KCNN1: variants seen among roughly 807,000 people sequenced by gnomAD.
KCNN1 encodes potassium calcium-activated channel subfamily N member 1.
In KCNN1, 20 loss-of-function variants were observed where a neutral mutation model predicts 44.7. The observed-to-expected ratio is 0.45, with a 90% CI of 0.32 to 0.65. The LOEUF (loss-of-function observed/expected upper bound fraction) is 0.65. Among genes scored for constraint, KCNN1 ranks in the 30% least tolerant of loss-of-function variants. The probability of loss-of-function intolerance (pLI) is 0.05; values close to 1 mark genes in which losing one functional copy is unlikely to be tolerated. For synonymous variants in KCNN1, 324 were observed against 341.7 expected, an observed-to-expected ratio of 0.95 and a Z score of 0.57; for missense variants, 632 against 785.3, an observed-to-expected ratio of 0.80 and a Z score of 2.33.
chr19:17,952,390 C>A (rs1312492048), intron 1 of KCNN1: 1 of 152,234 alleles, frequency 6.6e-6, no homozygotes, highest in African/African-American at 2.4e-5. Flanking sequence ...GGCGGCGGTC[C>A]CCTTCTCTTT....
intron 9 of KCNN1, among the ~76,000 whole-genome samples, chr19:17,996,112 T>G (rs1443877414): frequency 6.7e-6 from 1 of 149,448 alleles, no homozygotes; most frequent in South Asian, 2.1e-4. Context: ...GGGGGATCAC[T>G]TGAGCTCAGG....
chr19:17,959,022 AT>A (rs2031614767), intron 2 of KCNN1, among the ~76,000 whole-genome samples: 2 of 146,926 alleles, frequency 1.4e-5, no homozygotes, highest in South Asian at 2.1e-4. Context: ...TTATTTATTT[AT>A]TTATTTATTT....
At chr19:17,984,958 C>A (rs2032543983) in intron 4 of KCNN1, among the ~76,000 whole-genome samples, 1 of 152,118 alleles carries the variant, frequency 6.6e-6, no homozygotes, top group African/African-American at 2.4e-5. Context: ...GAAAGTTCTT[C>A]CTGGTGTCTG....
intron 1 of KCNN1, among the ~76,000 whole-genome samples, chr19:17,973,511 A>C (rs2032094537): frequency 6.6e-6 from 1 of 151,952 alleles, no homozygotes; most frequent in Non-Finnish European, 1.5e-5. Flanking sequence ...GAACTCCTGA[A>C]CTCAAGCGGT....
In KCNN1 at chr19:17,998,074, T is replaced by C. The variant is rs2033059255; in HGVS notation, c.1378-78T>C. The C allele has an allele frequency of 2.1e-6, 3 of 1,437,518 alleles. No homozygotes were observed. Among genetic ancestry groups the C allele is most frequent in the Non-Finnish European group, 2.8e-6 (3 of 1,085,280 alleles). The allele number at this position is 1,437,518 out of a possible 1,614,324, so 89.0% of individuals were successfully genotyped here. On this transcript the variant is annotated intron_variant, in intron 9 of 9. Coordinates refer to ENST00000684775, the MANE Select transcript of KCNN1 (RefSeq NM_001386974.1). The surrounding 1 kb of genome is among the most constrained non-coding windows in gnomAD (Gnocchi z 5.4). ...CTGGAGCGTGTGGGCTGTCCCTCTCTGTCATTGGTGTCGTGGTATCGTCCT... is the reference window on the plus strand; with the variant it reads ...CTGGAGCGTGTGGGCTGTCCCTCTCCGTCATTGGTGTCGTGGTATCGTCCT...
chr19:17,962,487 G>A (rs111971530), upstream of KCNN1, among the ~76,000 whole-genome samples: 13 of 152,250 alleles, frequency 8.5e-5, 1 homozygote, highest in African/African-American at 3.1e-4. Context: ...GGGGGACTTT[G>A]TGTGTCTTTA....
chr19:17,974,335 G>A lies in KCNN1; in HGVS notation c.402+45G>A. On this transcript the variant is annotated intron_variant, in intron 2 of 9. Transcript: ENST00000684775. The surrounding 1 kb of genome is among the most constrained non-coding windows in gnomAD (Gnocchi z 7.3). ...AGGCACTCCAGGGAGGTTCCACCAAGCCCGCCTAGCTTTCTTGACATGGGG... is the reference window on the plus strand; with the variant it reads ...AGGCACTCCAGGGAGGTTCCACCAAACCCGCCTAGCTTTCTTGACATGGGG... The A allele has an allele frequency of 6.6e-7, 1 of 1,504,090 alleles. No homozygotes were observed. The highest frequency in any genetic ancestry group is 8.9e-7 in the Non-Finnish European group (1 of 1,129,838). 93.2% of individuals were successfully genotyped at this position (1,504,090 alleles called of 1,614,324 possible).
At chr19:17,977,475 G>A (rs548813918) in intron 3 of KCNN1, among the ~76,000 whole-genome samples, 2 of 151,866 alleles carry the variant, frequency 1.3e-5, no homozygotes, top group African/African-American at 4.8e-5. Context: ...CAGGTAGCTG[G>A]GATTACAAGC....
intron 1 of KCNN1, among the ~76,000 whole-genome samples, chr19:17,969,878 C>T (rs1297690848): frequency 1.3e-5 from 2 of 152,230 alleles, no homozygotes; most frequent in African/African-American, 2.4e-5. Flanking sequence ...TTCCTGTGTG[C>T]ACCCTAGTGC....
chr19:17,984,665 C>G (rs1298142842), intron 4 of KCNN1, among the ~76,000 whole-genome samples: 1 of 152,150 alleles, frequency 6.6e-6, no homozygotes, highest in East Asian at 1.9e-4. Flanking sequence ...CCCCTCTGGC[C>G]GAAGTCCCAA....
chr19:17,963,109 G>A (rs1055349496), upstream of KCNN1, among the ~76,000 whole-genome samples: 2 of 146,368 alleles, frequency 1.4e-5, no homozygotes, highest in South Asian at 4.4e-4. Context: ...CTGGGTTCAC[G>A]CCATTCTCCT....
In KCNN1 at chr19:17,993,509, G is replaced by C; in HGVS notation, c.1327G>C (p.Glu443Gln). 1 of 1,613,252 alleles carries C rather than the reference G, an allele frequency of 6.2e-7. No individual in the cohort carries two copies. Residue 443 changes from glutamate to glutamine, a missense_variant, in exon 9 of 10, where the codon GAG becomes CAG. Glu to Gln is a conservative substitution (Grantham distance 29). This residue lies in a region of KCNN1 where 237 missense variants were observed against 253.0 expected (regional missense o/e 0.94). Coordinates refer to ENST00000684775, the MANE Select transcript of KCNN1 (RefSeq NM_001386974.1). The surrounding 1 kb of genome is among the most constrained non-coding windows in gnomAD (Gnocchi z 4.5). ...CCACAGGCTCCGGAGTGTGAAGATC[G>C]AGCAAGGGAAGCTGAACGACCAGGC... ...QAQKLRSVKI[E>Q]QGKLNDQANT... is the part of the protein sequence containing the mutation.
chr19:17,981,385 C>G (rs140589967), intron 3 of KCNN1, among the ~76,000 whole-genome samples: 3,507 of 151,968 alleles, frequency 0.023, 65 homozygotes, highest in Non-Finnish European at 0.034. Context: ...AACCCCATCT[C>G]TACTAAAAAT....
intron 3 of KCNN1, among the ~76,000 whole-genome samples, chr19:17,975,394 T>G (rs1191318012): frequency 2.0e-5 from 3 of 152,156 alleles, no homozygotes; most frequent in Non-Finnish European, 4.4e-5. Context: ...CATTGATTAT[T>G]TACAAAAAAG....
At chr19:17,964,930 T>C (rs1411524309), upstream of KCNN1, among the ~76,000 whole-genome samples, 1 of 152,134 alleles carries the variant, frequency 6.6e-6, no homozygotes, top group Non-Finnish European at 1.5e-5. The surrounding 1 kb of genome is among the most constrained non-coding windows in gnomAD (Gnocchi z 4.3). Context: ...AGTGGAGTGC[T>C]GTGGCTGATG....
chr19:17,951,643 A>T (rs1047869674), intron 1 of KCNN1, among the ~76,000 whole-genome samples: 2 of 152,092 alleles, frequency 1.3e-5, no homozygotes, highest in African/African-American at 4.8e-5. Context: ...GGAGGGTGTC[A>T]CCAGCCCAAC....
At position 17,993,835 on chromosome 19, in the gene KCNN1, G is replaced by T. The variant is rs185737760; in HGVS notation, c.1377+276G>T. Among the ~76,000 whole-genome samples the T allele has an allele frequency of 1.4e-4, 22 of 152,194 alleles. No individual in the cohort carries two copies. In the East Asian group the frequency reaches 4.3e-3, roughly 29 times the overall value. On this transcript the variant is annotated intron_variant, in intron 9 of 9. Coordinates refer to ENST00000684775, the MANE Select transcript of KCNN1 (RefSeq NM_001386974.1). The surrounding 1 kb of genome is among the most constrained non-coding windows in gnomAD (Gnocchi z 4.5). ...TGAGGGAGGAGAATCGCTTGAACTT[G>T]GGGGGTTGAGGCTGCAGTGAGCCGA...
At chr19:17,962,467 C>T (rs1242482379), upstream of KCNN1, among the ~76,000 whole-genome samples, 4 of 152,120 alleles carry the variant, frequency 2.6e-5, no homozygotes, top group Non-Finnish European at 5.9e-5. Context: ...TGGCCTGAAA[C>T]TGGGAGTCTG....
chr19:17,958,823 G>T (rs1238268681), intron 2 of KCNN1, among the ~76,000 whole-genome samples: 1 of 150,176 alleles, frequency 6.7e-6, no homozygotes, highest in Non-Finnish European at 1.5e-5. Context: ...TCAGCCTCCC[G>T]AGTAGCTGGG....
Sources: gnomAD v4.1 joint callset for allele counts (sites outside exome capture counted in the v4.1 genomes callset) on GRCh38, gnomAD v4.1.1 for gene constraint, gnomAD v4.1.1 regional missense constraint, Gnocchi (gnomAD v3.1) non-coding constraint, MANE v1.5 for transcripts, NCBI Gene and HGNC (gene_info 2026-07-23, HGNC 2026-07-21) for gene names.